Variants in MYOM3 observed in about 807,000 individuals in gnomAD.
MYOM3 encodes the protein myomesin-3.
Under a neutral mutation model 191.7 loss-of-function variants are expected in MYOM3, and 155 were observed. The ratio of observed to expected loss-of-function variants is 0.81; its 90% CI spans 0.71 to 0.92. The LOEUF is 0.92. Among genes scored for constraint, MYOM3 ranks in the 40% least tolerant of loss-of-function variants. MYOM3 has a pLI of 0.00. For synonymous variants in MYOM3, 757 were observed against 762.9 expected, an observed-to-expected ratio of 0.99 and a Z score of 0.13; for missense variants, 1,889 against 1,890.6, an observed-to-expected ratio of 1.00 and a Z score of 0.02.
intron 33 of MYOM3, 49 bp downstream of exon 33, chr1:24,061,897 A>T: frequency 2.5e-6 from 4 of 1,608,354 alleles, no homozygotes; most frequent in Non-Finnish European, 3.4e-6. Flanking sequence ...CAGACTGTCC[A>T]TGGGATTTTC....
intron 21 of MYOM3, among the ~76,000 whole-genome samples, chr1:24,075,710 C>A (rs944892322): frequency 1.3e-5 from 2 of 152,240 alleles, no homozygotes. Context: ...TGTTTTCTTT[C>A]TTTTATAATA....
At position 24,092,162 on chromosome 1, in the gene MYOM3, A is replaced by G. The variant is rs370562612; in HGVS notation, c.1232+12T>C. 6 of 1,448,358 alleles carry G rather than the reference A, an allele frequency of 4.1e-6. No individual in the cohort carries two copies. The highest frequency in any genetic ancestry group is 5.5e-6 in the Non-Finnish European group (6 of 1,093,640). The allele number at this position is 1,448,358 out of a possible 1,614,324, so 89.7% of individuals were successfully genotyped here. ...ACCCCTAGGGCCTCTGCCACTCACG[A>G]GGTCGACTCACCGCTCAATGGTGTA... On this transcript the variant is annotated intron_variant, in intron 11 of 36. Coordinates refer to ENST00000374434, the MANE Select transcript of MYOM3 (RefSeq NM_152372.4).
At position 24,095,539 on chromosome 1, in the gene MYOM3, A is replaced by C; in HGVS notation, c.746-53T>G. The C allele has an allele frequency of 1.9e-6, 3 of 1,544,014 alleles. No homozygotes were observed. In the South Asian group the frequency reaches 3.4e-5, roughly 18 times the overall value. On this transcript the variant is annotated intron_variant, in intron 7 of 36. Transcript: ENST00000374434. Reference sequence around the variant, plus strand: ...GAGAAGGTTCAGAGCCCACATTCCTATGCTATTTTGGGGACATGGGCTTTG... The same window carrying C: ...GAGAAGGTTCAGAGCCCACATTCCTCTGCTATTTTGGGGACATGGGCTTTG...
chr1:24,071,059 G>A lies in MYOM3; in HGVS notation c.3150+58C>T, dbSNP rs1220794544. The stretch of plus-strand genomic sequence containing the variant: ...CCAGCCCATGCGGAATCACCATCCC[G>A]CGAGGCCACCTCCCCGGCAGGGGAG... On this transcript the variant is annotated intron_variant, in intron 25 of 36. Transcript: ENST00000374434. 4.4e-6 allele frequency: 7 copies of A among 1,587,932 alleles called. No individual in the cohort carries two copies. In the East Asian group the frequency reaches 6.7e-5, roughly 15 times the overall value.
intron 1 of MYOM3, among the ~76,000 whole-genome samples, chr1:24,110,573 A>G (rs7534564): frequency 0.14 from 21,223 of 151,850 alleles, 2,099 homozygotes; most frequent in African/African-American, 0.28. Context: ...TACCCCTTCT[A>G]CTTCCTAGAA....
Position 24,108,537 on chromosome 1 carries a change from CCTT to C in MYOM3, c.97_99del (p.Lys33del). 1 of 1,580,390 alleles carries C rather than the reference CCTT, an allele frequency of 6.3e-7. No individual in the cohort carries two copies. The highest frequency in any genetic ancestry group is 8.6e-7 in the Non-Finnish European group (1 of 1,163,700). ...ATGCGCAGGCTGTGCTGCCGCTCCT[CCTT>C]CTGCTCCTCCTCCTGCCGGTGCTCC... is the stretch of plus-strand genomic sequence containing the variant. On this transcript the variant is annotated inframe_deletion, in exon 2 of 37. Coordinates refer to ENST00000374434, the MANE Select transcript of MYOM3 (RefSeq NM_152372.4).
chr1:24,068,264 C>G lies in MYOM3; in HGVS notation c.3254G>C (p.Gly1085Ala), dbSNP rs186594605. 35 of 1,614,182 alleles carry G rather than the reference C, an allele frequency of 2.2e-5. No individual in the cohort carries two copies. In the African/African-American group the frequency reaches 3.6e-4, roughly 17 times the overall value. The change falls in exon 26 of 37, where the codon GGA (glycine) becomes GCA (alanine). Residue 1085 changes from glycine to alanine, a missense_variant. Physicochemically the swap from Gly to Ala is moderately conservative, Grantham distance 60. Transcript: ENST00000374434. ...KGSYTAQLQD[G>A]KAKNQITLTL... The stretch of plus-strand genomic sequence containing the variant: ...CAAGGTAATCTGGTTTTTGGCTTTT[C>G]CATCTTGGAGTTGAGCGGTGTACGA...
At chr1:24,086,870 G>T in intron 14 of MYOM3, 43 bp from the exon 15 acceptor site, 2 of 1,589,182 alleles carry the variant, frequency 1.3e-6, no homozygotes, top group Non-Finnish European at 1.7e-6. Context: ...TGGTCGCCCA[G>T]ACCGGCTCTG....
chr1:24,069,385 G>A (rs1643494064), intron 25 of MYOM3, among the ~76,000 whole-genome samples: 1 of 152,120 alleles, frequency 6.6e-6, no homozygotes, highest in Non-Finnish European at 1.5e-5. Context: ...TGCATCTTTT[G>A]ATGCTGGGAC....
At chr1:24,092,596 C>A (rs1216245958) in intron 10 of MYOM3, among the ~76,000 whole-genome samples, 1 of 152,162 alleles carries the variant, frequency 6.6e-6, no homozygotes, top group Non-Finnish European at 1.5e-5. Context: ...GATGGGGAAA[C>A]TGAGTCTCCT....
At chr1:24,088,727 C>T (rs1643776928) in intron 14 of MYOM3, among the ~76,000 whole-genome samples, 1 of 152,232 alleles carries the variant, frequency 6.6e-6, no homozygotes, top group African/African-American at 2.4e-5. Context: ...TTGTGCCAGG[C>T]ATTGTGCTGG....
At chr1:24,092,121 C>G in intron 11 of MYOM3, 53 bp downstream of exon 11, 1 of 1,395,276 alleles carries the variant, frequency 7.2e-7, no homozygotes, top group Non-Finnish European at 9.4e-7. Context: ...TGGCTCCCAC[C>G]ACCAGACAGA....
At chr1:24,089,257 A>G (rs1643783231) in intron 14 of MYOM3, among the ~76,000 whole-genome samples, 1 of 152,144 alleles carries the variant, frequency 6.6e-6, no homozygotes. Context: ...GTACCCAGGA[A>G]GTGGTGGATC....
At position 24,087,288 on chromosome 1, in the gene MYOM3, A is replaced by G. The variant is rs572629054; in HGVS notation, c.1615-461T>C. ...AGCACCCCGCACCTGAACGATCTCA[A>G]TGGCCTCTTGACTGGTCTCCCCTCC... On this transcript the variant is annotated intron_variant, in intron 14 of 36. Transcript: ENST00000374434. The surrounding 1 kb of genome is among the most constrained non-coding windows in gnomAD (Gnocchi z 4.5). Among the ~76,000 whole-genome samples, 1 of 152,122 alleles carries G rather than the reference A, an allele frequency of 6.6e-6. No homozygotes were observed. Among genetic ancestry groups the G allele is most frequent in the South Asian group, 2.1e-4 (1 of 4,802 alleles).
intron 27 of MYOM3, 141 bp downstream of exon 27, chr1:24,067,829 C>G (rs1037648071): frequency 2.5e-6 from 2 of 815,756 alleles, no homozygotes; most frequent in Non-Finnish European, 4.1e-6. Flanking sequence ...TTTGATCTGG[C>G]ACTGGGACAG....
At chr1:24,065,573 C>T (rs4456048) in intron 29 of MYOM3, among the ~76,000 whole-genome samples, 33,540 of 152,010 alleles carry the variant, frequency 0.22, 4,667 homozygotes, top group African/African-American at 0.39. Flanking sequence ...GCGACGGGGG[C>T]TAGCCCAAGC....
Position 24,075,482 on chromosome 1 carries a change from G to T in MYOM3, c.2702-7C>A, listed in dbSNP as rs777947641. ...ACCTCGATCTCATGGGCACCTGAGG[G>T]CGAGATCCAACAGAGGGCAGCGGAT... On this transcript the variant is annotated splice_region_variant and splice_polypyrimidine_tract_variant and intron_variant, in intron 21 of 36. Coordinates refer to ENST00000374434, the MANE Select transcript of MYOM3 (RefSeq NM_152372.4). 1.3e-6 allele frequency: 2 copies of T among 1,556,560 alleles called. No homozygotes were observed. Among genetic ancestry groups the T allele is most frequent in the South Asian group, 2.5e-5 (2 of 81,218 alleles).
intron 22 of MYOM3, 93 bp from the exon 23 acceptor site, chr1:24,074,362 T>A: frequency 1.1e-6 from 1 of 915,498 alleles, no homozygotes; most frequent in Non-Finnish European, 1.7e-6. Flanking sequence ...TTGCTTCTGG[T>A]GAGCCTGTAC....
At position 24,064,473 on chromosome 1, in the gene MYOM3, C is replaced by T. The variant is rs536009571; in HGVS notation, c.3535-314G>A. ...GGCAGCTGCTCTGAGCATGACATGA[C>T]ACAGTGAGCCTCACTTTGCAGAGCT... On this transcript the variant is annotated intron_variant, in intron 29 of 36. Transcript: ENST00000374434. Among the ~76,000 whole-genome samples, 18 of 152,270 alleles carry T rather than the reference C, an allele frequency of 1.2e-4. No homozygotes were observed. The South Asian group carries it at 3.7e-3, about 32-fold the overall frequency.
Sources: allele counts gnomAD v4.1 joint callset (sites outside exome capture counted in the v4.1 genomes callset), GRCh38; gene constraint gnomAD v4.1.1; non-coding constraint Gnocchi (gnomAD v3.1); transcripts MANE v1.5; gene names NCBI Gene and HGNC (gene_info 2026-07-23, HGNC 2026-07-21).